Variants in CSMD3 observed in about 807,000 individuals in gnomAD.
The protein encoded by CSMD3 is CUB and Sushi multiple domains 3.
A neutral mutation model predicts 435.2 loss-of-function variants in CSMD3; 177 were observed. The observed-to-expected ratio is 0.41, with a 90% CI of 0.36 to 0.46. The LOEUF is 0.46. Ranked by LOEUF, CSMD3 falls within the 20% of genes least tolerant of loss-of-function variation. The pLI, the probability that CSMD3 is intolerant of heterozygous loss-of-function variation, is 0.34. For synonymous variants in CSMD3, 1,656 were observed against 1,520.5 expected (o/e 1.09, Z -2.07); for missense variants, 4,265 against 4,504.6 (o/e 0.95, Z 1.52).
intron 1 of CSMD3, among the ~76,000 whole-genome samples, chr8:113,367,890 T>C (rs1306501075): frequency 6.6e-6 from 1 of 152,130 alleles, no homozygotes; most frequent in Admixed American, 6.6e-5. Context: ...CCTTGTTTAT[T>C]TTCTTCATGA....
intron 27 of CSMD3, among the ~76,000 whole-genome samples, chr8:112,533,373 G>A (rs1177247693): frequency 2.0e-5 from 3 of 151,928 alleles, no homozygotes; most frequent in Admixed American, 6.6e-5. Flanking sequence ...CTGCTTACAA[G>A]GAACATACTC....
At chr8:112,935,331 T>C (rs1200795853) in intron 9 of CSMD3, among the ~76,000 whole-genome samples, 1 of 152,166 alleles carries the variant, frequency 6.6e-6, no homozygotes, top group African/African-American at 2.4e-5. Flanking sequence ...GACTGTATGA[T>C]AGTTCCAGAT....
chr8:112,792,764 C>T (rs1343722091), intron 13 of CSMD3, among the ~76,000 whole-genome samples: 1 of 151,984 alleles, frequency 6.6e-6, no homozygotes, highest in Non-Finnish European at 1.5e-5. Flanking sequence ...TGTGGCTATA[C>T]ATCTGTTTCT....
intron 3 of CSMD3, among the ~76,000 whole-genome samples, chr8:113,258,997 C>T (rs953144892): frequency 1.3e-5 from 2 of 152,072 alleles, no homozygotes; most frequent in Non-Finnish European, 2.9e-5. Context: ...CAATTAAACA[C>T]ATGATGCTGC....
intron 6 of CSMD3, among the ~76,000 whole-genome samples, chr8:112,978,273 A>C (rs1325058190): frequency 6.6e-6 from 1 of 151,998 alleles, no homozygotes; most frequent in Non-Finnish European, 1.5e-5. Flanking sequence ...ACCTTTACCA[A>C]AGGGATGGAT....
chr8:113,046,737 G>A (rs1446119413), intron 5 of CSMD3, among the ~76,000 whole-genome samples: 1 of 152,202 alleles, frequency 6.6e-6, no homozygotes, highest in Admixed American at 6.5e-5. Context: ...TCATAAGGGA[G>A]TCAGGGACTT....
chr8:112,383,481 C>G (rs967669984), intron 37 of CSMD3, 86 bp downstream of exon 37: 43 of 758,354 alleles, frequency 5.7e-5, no homozygotes, highest in Admixed American at 2.1e-4. Flanking sequence ...TTAAAACTAC[C>G]AAGTAAGAGT....
chr8:112,449,881 C>T (rs1039124771), intron 32 of CSMD3, among the ~76,000 whole-genome samples: 1 of 152,088 alleles, frequency 6.6e-6, no homozygotes, highest in African/African-American at 2.4e-5. Context: ...CGCCACCACG[C>T]CTGGCTAATT....
chr8:113,258,389 C>G (rs932188964), intron 3 of CSMD3, among the ~76,000 whole-genome samples: 2 of 152,138 alleles, frequency 1.3e-5, no homozygotes, highest in African/African-American at 2.4e-5. Flanking sequence ...GTCTCTATCC[C>G]TTTCAATCAT....
chr8:113,291,669 G>A (rs1365444045), intron 2 of CSMD3, among the ~76,000 whole-genome samples: 1 of 151,768 alleles, frequency 6.6e-6, no homozygotes, highest in Non-Finnish European at 1.5e-5. Flanking sequence ...GTTCCCCTAC[G>A]AGTAGCCACC....
At chr8:113,201,234 C>T (rs1461626019) in intron 3 of CSMD3, among the ~76,000 whole-genome samples, 3 of 151,908 alleles carry the variant, frequency 2.0e-5, no homozygotes, top group Non-Finnish European at 2.9e-5. Flanking sequence ...TTGTCTGAAC[C>T]ACTGCTAGCA....
intron 4 of CSMD3, among the ~76,000 whole-genome samples, chr8:113,114,827 TACCCTAATC>T (rs2090774475): frequency 2.0e-5 from 3 of 152,216 alleles, no homozygotes; most frequent in African/African-American, 7.2e-5. Context: ...AGAAAAATCA[TACCCTAATC>T]ATCCTCACTT....
intron 61 of CSMD3, among the ~76,000 whole-genome samples, chr8:112,258,236 T>C (rs1326572886): frequency 1.3e-5 from 2 of 152,124 alleles, no homozygotes; most frequent in Non-Finnish European, 1.5e-5. Flanking sequence ...ACTTCATGTC[T>C]AAAACACCAA....
At chr8:113,067,721 T>A (rs2088922308) in intron 5 of CSMD3, among the ~76,000 whole-genome samples, 1 of 152,158 alleles carries the variant, frequency 6.6e-6, no homozygotes, top group Admixed American at 6.6e-5. Context: ...TTTTTTCCAA[T>A]ATATTAAAAA....
At chr8:112,823,221 C>G (rs984451950) in intron 12 of CSMD3, among the ~76,000 whole-genome samples, 2 of 152,192 alleles carry the variant, frequency 1.3e-5, no homozygotes, top group Non-Finnish European at 2.9e-5. Context: ...ACCAGCTCCT[C>G]TTTGTACCTG....
intron 4 of CSMD3, among the ~76,000 whole-genome samples, chr8:113,123,839 G>A (rs542523605): frequency 8.6e-5 from 13 of 151,938 alleles, no homozygotes; most frequent in Non-Finnish European, 1.8e-4. Context: ...TGTCTCTTGA[G>A]CTCTGGATCC....
chr8:113,307,957 A>AG (rs1326266979), intron 2 of CSMD3, among the ~76,000 whole-genome samples: 4 of 152,098 alleles, frequency 2.6e-5, no homozygotes, highest in Non-Finnish European at 4.4e-5. Flanking sequence ...TAATAACCAA[A>AG]CATTTTGACT....
chr8:112,764,341 T>C (rs2077922122), intron 13 of CSMD3, among the ~76,000 whole-genome samples: 1 of 151,272 alleles, frequency 6.6e-6, no homozygotes, highest in African/African-American at 2.4e-5. Context: ...TTAATAAAAA[T>C]ACCAAAATTA....
At chr8:112,471,825 G>T (rs146552551) in intron 32 of CSMD3, among the ~76,000 whole-genome samples, 254 of 152,254 alleles carry the variant, frequency 1.7e-3, no homozygotes, top group African/African-American at 5.7e-3. Flanking sequence ...ACACAATGCT[G>T]TAAATCTAAA....
Sources: allele counts gnomAD v4.1 joint callset (sites outside exome capture counted in the v4.1 genomes callset), GRCh38; gene constraint gnomAD v4.1.1; transcripts MANE v1.5; gene names NCBI Gene and HGNC (gene_info 2026-07-23, HGNC 2026-07-21).